Variants in CUL5 observed in about 807,000 individuals in gnomAD.
The protein encoded by CUL5 is cullin 5.
In CUL5, 26 loss-of-function variants were observed where a neutral mutation model predicts 108.8. The ratio of observed to expected loss-of-function variants is 0.24; its 90% CI spans 0.18 to 0.33. The LOEUF (loss-of-function observed/expected upper bound fraction) is 0.33. Ranked by LOEUF, CUL5 falls within the 10% of genes least tolerant of loss-of-function variation. CUL5 has a pLI of 1.00. For synonymous variants in CUL5, 334 were observed against 298.0 expected (o/e 1.12, Z -1.25); for missense variants, 524 against 909.2 (o/e 0.58, Z 5.45).
intron 11 of CUL5, chr11:108,085,045 CT>C (rs2135216290): frequency 6.6e-6 from 1 of 152,312 alleles, no homozygotes; most frequent in East Asian, 1.9e-4. Context: ...AACAGAGTTG[CT>C]GTATGGCCCA....
At chr11:108,061,655 C>T (rs1025501808) in intron 7 of CUL5, among the ~76,000 whole-genome samples, 49 of 152,152 alleles carry the variant, frequency 3.2e-4, no homozygotes, top group Non-Finnish European at 5.9e-5. Flanking sequence ...CCCGTTTTGC[C>T]TCCCTTCCCT....
chr11:108,066,181 A>G (rs1863672064), intron 7 of CUL5, among the ~76,000 whole-genome samples: 3 of 152,134 alleles, frequency 2.0e-5, no homozygotes. Flanking sequence ...TCTACTAAAA[A>G]TACAAAAACA....
At chr11:108,037,283 G>T (rs1460863859) in intron 2 of CUL5, among the ~76,000 whole-genome samples, 1 of 152,162 alleles carries the variant, frequency 6.6e-6, no homozygotes, top group African/African-American at 2.4e-5. Context: ...ACAGACAGAA[G>T]CTCAGCTGCT....
chr11:108,084,758 C>A (rs897431471), intron 11 of CUL5, among the ~76,000 whole-genome samples: 1 of 152,140 alleles, frequency 6.6e-6, no homozygotes, highest in African/African-American at 2.4e-5. Context: ...ATAGCTTAAC[C>A]ACAATGAGCT....
chr11:108,086,156 T>A (rs889301937), intron 11 of CUL5, among the ~76,000 whole-genome samples: 9 of 152,338 alleles, frequency 5.9e-5, no homozygotes, highest in South Asian at 2.1e-4. Context: ...AAAATTGATT[T>A]AAGATTTAAG....
intron 1 of CUL5, among the ~76,000 whole-genome samples, chr11:108,011,271 A>G (rs1438584232): frequency 6.6e-6 from 1 of 152,170 alleles, no homozygotes; most frequent in Non-Finnish European, 1.5e-5. Flanking sequence ...TATATTAGTT[A>G]AGTACTTACC....
At chr11:108,077,594 G>C (rs1863971020) in intron 10 of CUL5, among the ~76,000 whole-genome samples, 1 of 148,402 alleles carries the variant, frequency 6.7e-6, no homozygotes, top group Middle Eastern at 3.6e-3. Flanking sequence ...CAGCACCACT[G>C]CACTGCAGCC....
chr11:108,042,217 T>TG (rs1862939370), intron 2 of CUL5, among the ~76,000 whole-genome samples: 12 of 64,452 alleles, frequency 1.9e-4, no homozygotes, highest in Non-Finnish European at 3.0e-4. Context: ...CATCCACAAT[T>TG]CTTTTTTTTT....
intron 13 of CUL5, among the ~76,000 whole-genome samples, 193 bp from the exon 14 acceptor site, chr11:108,094,198 G>T (rs1351516134): frequency 6.6e-6 from 1 of 152,158 alleles, no homozygotes; most frequent in East Asian, 1.9e-4. Flanking sequence ...AATGCGCAAA[G>T]CAGGGACCCC....
rs181960162 is a variant in CUL5 at position 108,076,755 on chromosome 11, T to G, written c.1114-1421T>G. Among the ~76,000 whole-genome samples, 40 of 152,330 alleles carry G rather than the reference T, an allele frequency of 2.6e-4. No individual in the cohort carries two copies. The East Asian group carries it at 5.6e-3, about 21-fold the overall frequency. On this transcript the variant is annotated intron_variant, in intron 10 of 18. Transcript: ENST00000393094. ...GAAGAGGGATTGCTGGGATTATGAT[T>G]ACATTATGAAGATAGACTATTCAGG... is the stretch of plus-strand genomic sequence containing the variant.
intron 7 of CUL5, among the ~76,000 whole-genome samples, chr11:108,063,754 G>C (rs1475306168): frequency 6.6e-6 from 1 of 151,990 alleles, no homozygotes; most frequent in East Asian, 1.9e-4. Flanking sequence ...TATATAGCCA[G>C]CAGTGGGATT....
At chr11:108,015,895 A>G (rs918107294) in intron 1 of CUL5, among the ~76,000 whole-genome samples, 2 of 152,148 alleles carry the variant, frequency 1.3e-5, no homozygotes, top group Non-Finnish European at 2.9e-5. Flanking sequence ...GATACTAGGC[A>G]TCTTTCTAGT....
chr11:108,052,640 A>G lies in CUL5; in HGVS notation c.412-20A>G, dbSNP rs753814466. 18 of 1,578,744 alleles carry G rather than the reference A, an allele frequency of 1.1e-5. No individual in the cohort carries two copies. Among genetic ancestry groups the G allele is most frequent in the East Asian group, 2.2e-5 (1 of 44,494 alleles). On this transcript the variant is annotated intron_variant, in intron 4 of 18. Transcript: ENST00000393094. ...ATTAATAATTGAAAATTATGTTACA[A>G]TTTGTTCTTGTTTTCCTAGCTTATG... is the stretch of plus-strand genomic sequence containing the variant.
rs1039534883 is a variant in CUL5, at chr11:108,054,200, C to T, written c.554-447C>T. 6.6e-5 allele frequency among the ~76,000 whole-genome samples: 10 copies of T among 152,300 alleles called. No individual in the cohort carries two copies. The East Asian group carries it at 1.9e-3, about 29-fold the overall frequency. On this transcript the variant is annotated intron_variant, in intron 5 of 18. Transcript: ENST00000393094. ...TATGTTGCCCAGGGCATCTTCACAA[C>T]CATTTGTAATTTACCATTCTACCTT...
chr11:108,039,819 TATC>T (rs1862846528), intron 2 of CUL5, among the ~76,000 whole-genome samples: 1 of 152,258 alleles, frequency 6.6e-6, no homozygotes, highest in Non-Finnish European at 1.5e-5. Flanking sequence ...TCTATAACTT[TATC>T]ATGGATCTGA....
intron 1 of CUL5, among the ~76,000 whole-genome samples, chr11:108,033,159 A>G (rs1224831575): frequency 6.6e-6 from 1 of 152,168 alleles, no homozygotes; most frequent in Non-Finnish European, 1.5e-5. Flanking sequence ...TCCAAATGCG[A>G]GCTTATCTTG....
intron 13 of CUL5, among the ~76,000 whole-genome samples, chr11:108,093,065 C>A (rs957079804): frequency 6.6e-6 from 1 of 152,188 alleles, no homozygotes; most frequent in African/African-American, 2.4e-5. Context: ...ATCCACCCGC[C>A]TCAGCCTCCC....
intron 7 of CUL5, among the ~76,000 whole-genome samples, chr11:108,066,744 T>G (rs1293047020): frequency 6.6e-6 from 1 of 152,240 alleles, no homozygotes; most frequent in Non-Finnish European, 1.5e-5. Flanking sequence ...AGCACAGTCT[T>G]TATAGCTGTG....
At chr11:108,037,282 A>T (rs1013789170) in intron 2 of CUL5, among the ~76,000 whole-genome samples, 1 of 152,188 alleles carries the variant, frequency 6.6e-6, no homozygotes, top group African/African-American at 2.4e-5. Context: ...AACAGACAGA[A>T]GCTCAGCTGC....
Sources: gnomAD v4.1 joint callset for allele counts (sites outside exome capture counted in the v4.1 genomes callset) on GRCh38, gnomAD v4.1.1 for gene constraint, MANE v1.5 for transcripts, NCBI Gene and HGNC (gene_info 2026-07-23, HGNC 2026-07-21) for gene names.